Variants in LIPI observed in about 807,000 individuals in gnomAD.
The protein encoded by LIPI is lipase member I.
Under a neutral mutation model 50.6 loss-of-function variants are expected in LIPI, and 59 were observed. The ratio of observed to expected loss-of-function variants is 1.16; its 90% confidence interval spans 0.94 to 1.45. The LOEUF (loss-of-function observed/expected upper bound fraction) is 1.45. Ranked by LOEUF, LIPI falls within the 40% of genes most tolerant of loss-of-function variation. The pLI, the probability that LIPI is intolerant of heterozygous loss-of-function variation, is 0.00. For synonymous variants in LIPI, 203 were observed against 178.2 expected (o/e 1.14, Z -1.11); for missense variants, 586 against 536.3 (o/e 1.09, Z -0.92).
intron 7 of LIPI, 50 bp from the exon 8 acceptor site, chr21:14,152,734 G>A (rs2018142935): frequency 1.1e-6 from 1 of 924,454 alleles, no homozygotes; most frequent in South Asian, 1.4e-5. Context: ...TTAATTTTTG[G>A]TTTTGGTACA....
At chr21:14,200,868 C>T (rs2020028470) in intron 1 of LIPI, among the ~76,000 whole-genome samples, 1 of 152,086 alleles carries the variant, frequency 6.6e-6, no homozygotes, top group Non-Finnish European at 1.5e-5. Flanking sequence ...TCAAACTATA[C>T]TACAGGGCTA....
intron 7 of LIPI, among the ~76,000 whole-genome samples, chr21:14,161,451 A>T (rs1043418389): frequency 7.1e-6 from 1 of 140,030 alleles, no homozygotes; most frequent in African/African-American, 2.6e-5. Flanking sequence ...TATTATATAT[A>T]GATATTATAT....
intron 1 of LIPI, among the ~76,000 whole-genome samples, chr21:14,208,404 C>T (rs532926000): frequency 9.2e-5 from 14 of 152,286 alleles, no homozygotes; most frequent in Admixed American, 6.5e-4. Context: ...TTTCACTTTC[C>T]TCAACTGTGA....
chr21:14,149,116 A>T (rs1211351724), intron 8 of LIPI, among the ~76,000 whole-genome samples: 3 of 152,212 alleles, frequency 2.0e-5, no homozygotes, highest in African/African-American at 7.2e-5. Flanking sequence ...TAATTTATAA[A>T]GAAAAGAGGT....
chr21:14,182,119 A>G (rs144273964), intron 3 of LIPI, among the ~76,000 whole-genome samples: 34 of 152,280 alleles, frequency 2.2e-4, no homozygotes, highest in African/African-American at 8.2e-4. Flanking sequence ...TTTTTCTGTG[A>G]GACTGAATTA....
At chr21:14,197,758 A>G (rs2019912079) in intron 1 of LIPI, among the ~76,000 whole-genome samples, 2 of 152,152 alleles carry the variant, frequency 1.3e-5, no homozygotes, top group African/African-American at 4.8e-5. Context: ...CAAATTCAGG[A>G]AATGCAAAGA....
At chr21:14,124,113 C>G (rs2016963392) in intron 9 of LIPI, among the ~76,000 whole-genome samples, 1 of 152,070 alleles carries the variant, frequency 6.6e-6, no homozygotes, top group Admixed American at 6.6e-5. Context: ...CTAATACTGC[C>G]TTGTCTTTTA....
chr21:14,158,731 A>C (rs995065663), intron 7 of LIPI, among the ~76,000 whole-genome samples: 5 of 150,786 alleles, frequency 3.3e-5, no homozygotes, highest in East Asian at 3.9e-4. Context: ...AAACCAATAA[A>C]ATCGATAAAC....
At chr21:14,141,814 T>A (rs1189645356) in intron 9 of LIPI, among the ~76,000 whole-genome samples, 1 of 152,186 alleles carries the variant, frequency 6.6e-6, no homozygotes, top group East Asian at 1.9e-4. Context: ...GCAAATATTC[T>A]AGCTAAATTT....
intron 8 of LIPI, among the ~76,000 whole-genome samples, chr21:14,149,294 ACTCT>A (rs1420697594): frequency 6.6e-6 from 1 of 152,092 alleles, no homozygotes; most frequent in East Asian, 1.9e-4. Flanking sequence ...TTGAGAACTT[ACTCT>A]CTATCAAGAG....
chr21:14,171,550 GA>G (rs1399862579), intron 4 of LIPI, among the ~76,000 whole-genome samples: 1 of 150,030 alleles, frequency 6.7e-6, no homozygotes, highest in East Asian at 2.0e-4. Flanking sequence ...AGAGCTCTCA[GA>G]AACAATGCCG....
chr21:14,175,313 T>G (rs1350478479), intron 4 of LIPI, among the ~76,000 whole-genome samples: 1 of 152,194 alleles, frequency 6.6e-6, no homozygotes, highest in African/African-American at 2.4e-5. Flanking sequence ...TTTAAGCATG[T>G]GGCTTCTTGT....
chr21:14,120,017 T>C (rs2016803094), intron 9 of LIPI, among the ~76,000 whole-genome samples: 1 of 152,158 alleles, frequency 6.6e-6, no homozygotes, highest in Non-Finnish European at 1.5e-5. Flanking sequence ...TACATCACCT[T>C]AGAGACTGTG....
At chr21:14,190,284 C>G (rs556303096) in intron 1 of LIPI, among the ~76,000 whole-genome samples, 5 of 152,066 alleles carry the variant, frequency 3.3e-5, no homozygotes, top group African/African-American at 1.2e-4. Context: ...CTTTTGTTTT[C>G]TTTTTCACAG....
At chr21:14,207,424 C>A (rs1379939014) in intron 1 of LIPI, among the ~76,000 whole-genome samples, 1 of 151,972 alleles carries the variant, frequency 6.6e-6, no homozygotes, top group Admixed American at 6.6e-5. Context: ...AAATAATAGG[C>A]ACAACTATGT....
intron 9 of LIPI, among the ~76,000 whole-genome samples, chr21:14,128,081 T>C (rs1573435): frequency 0.027 from 4,136 of 152,164 alleles, 177 homozygotes; most frequent in African/African-American, 0.091. Flanking sequence ...GTTTTTTATG[T>C]AAATAATGAG....
intron 4 of LIPI, among the ~76,000 whole-genome samples, chr21:14,171,397 C>G (rs1229225638): frequency 6.7e-6 from 1 of 150,326 alleles, no homozygotes; most frequent in Non-Finnish European, 1.5e-5. Flanking sequence ...AAAAAGAGCC[C>G]GCATCGCCAA....
intron 9 of LIPI, among the ~76,000 whole-genome samples, chr21:14,121,630 G>A (rs184642023): frequency 3.9e-5 from 6 of 152,202 alleles, no homozygotes; most frequent in South Asian, 2.1e-4. Flanking sequence ...TGGGTTAAAC[G>A]CTGGAATCCT....
In LIPI at chr21:14,128,549, A is replaced by G. The variant is rs1479320132; in HGVS notation, c.1295+16074T>C. Among the ~76,000 whole-genome samples, 6 of 152,056 alleles carry G rather than the reference A, an allele frequency of 3.9e-5. No homozygotes were observed. In the East Asian group the frequency reaches 9.6e-4, roughly 24 times the overall value. On this transcript the variant is annotated intron_variant, in intron 9 of 9. Coordinates refer to ENST00000681601, the MANE Select transcript of LIPI (RefSeq NM_001302998.2). ...AGCATTTGTAATGTAGTAGACACCA[A>G]TTAAATGTTTCCACTGTTACTCATC... is the stretch of plus-strand genomic sequence containing the variant.
Sources: allele counts gnomAD v4.1 joint callset (sites outside exome capture counted in the v4.1 genomes callset), GRCh38; gene constraint gnomAD v4.1.1; transcripts MANE v1.5; gene names NCBI Gene and HGNC (gene_info 2026-07-23, HGNC 2026-07-21).